The following TBC1D4 variants were observed in gnomAD, a reference collection of about 807,000 sequenced individuals.
TBC1D4 encodes TBC1 domain family member 4, also known as TBC (Tre-2, BUB2, CDC16) domain-containing protein.
A neutral mutation model predicts 142.5 loss-of-function variants in TBC1D4; 121 were observed. That is an observed-to-expected ratio of 0.85 (90% CI 0.73 to 0.99). The LOEUF (loss-of-function observed/expected upper bound fraction) is 0.99. Ranked by LOEUF, TBC1D4 falls within the 50% of genes least tolerant of loss-of-function variation. The pLI, the probability that TBC1D4 is intolerant of heterozygous loss-of-function variation, is 0.00. For missense variants in TBC1D4, 1,475 were observed against 1,606.6 expected (o/e 0.92, Z 1.40); for synonymous variants, 630 against 628.2 (o/e 1.00, Z -0.04).
At chr13:75,307,759 A>G (rs1265253489) in intron 14 of TBC1D4, among the ~76,000 whole-genome samples, 1 of 152,222 alleles carries the variant, frequency 6.6e-6, no homozygotes, top group African/African-American at 2.4e-5. Flanking sequence ...AACATAATCT[A>G]AAGATAAATC....
At chr13:75,460,432 AACAAGAGGGCAT>A (rs1887919231) in intron 1 of TBC1D4, among the ~76,000 whole-genome samples, 2 of 152,212 alleles carry the variant, frequency 1.3e-5, no homozygotes, top group South Asian at 4.1e-4. Flanking sequence ...AAACCAGGTG[AACAAGAGGGCAT>A]TCCCAACAAA....
chr13:75,401,809 G>C (rs531735780), intron 1 of TBC1D4, among the ~76,000 whole-genome samples: 3 of 152,158 alleles, frequency 2.0e-5, no homozygotes, highest in Non-Finnish European at 4.4e-5. Context: ...CATAGGAAAA[G>C]CTACACTGTA....
Position 75,327,765 on chromosome 13 carries a change from A to G in TBC1D4, c.1793T>C (p.Leu598Pro), listed in dbSNP as rs983334282. ...CTAGTTAGATACCTTCTCTGAAGCA[A>G]GACTGTTGGACCGTTCAAAACTGTC... ...SVDSFERSNS[L>P]ASEKDYSPGD... The change falls in exon 9 of 21, where the codon CTT (leucine) becomes CCT (proline). Residue 598 changes from leucine to proline, a missense_variant. Transcript: ENST00000377636. 7 of 1,614,042 alleles carry G rather than the reference A, an allele frequency of 4.3e-6. No homozygotes were observed. The highest frequency in any genetic ancestry group is 5.9e-6 in the Non-Finnish European group (7 of 1,179,908).
At chr13:75,480,365 T>C (rs368455655) in intron 1 of TBC1D4, among the ~76,000 whole-genome samples, 10 of 152,318 alleles carry the variant, frequency 6.6e-5, no homozygotes, top group African/African-American at 2.4e-4. Flanking sequence ...AAGCTTTTGA[T>C]ATGGCGGGGA....
chr13:75,424,425 A>C (rs1566480665), intron 1 of TBC1D4, among the ~76,000 whole-genome samples: 1 of 152,126 alleles, frequency 6.6e-6, no homozygotes, highest in Non-Finnish European at 1.5e-5. Flanking sequence ...ATATTGTTTA[A>C]ATGTTTCCAC....
chr13:75,328,818 G>A (rs1394306586), intron 8 of TBC1D4, among the ~76,000 whole-genome samples: 1 of 152,114 alleles, frequency 6.6e-6, no homozygotes, highest in Non-Finnish European at 1.5e-5. Flanking sequence ...TCGGGGGTAA[G>A]GGGTTGCATT....
At position 75,327,778 on chromosome 13, in the gene TBC1D4, G is replaced by A. The variant is rs201208079; in HGVS notation, c.1780C>T (p.Arg594Trp). Residue 594 changes from arginine to tryptophan, a missense_variant, in exon 9 of 21, where the codon CGG becomes TGG. Coordinates refer to ENST00000377636, the MANE Select transcript of TBC1D4 (RefSeq NM_014832.5). ...TTCTCTGAAGCAAGACTGTTGGACC[G>A]TTCAAAACTGTCCACACTTCCAAGC... ...GRLGSVDSFE[R>W]SNSLASEKDY... 3.5e-5 allele frequency: 57 copies of A among 1,613,814 alleles called. No individual in the cohort carries two copies. In the Admixed American group the frequency reaches 3.7e-4, roughly 10 times the overall value.
chr13:75,470,324 A>G (rs1888347664), intron 1 of TBC1D4, among the ~76,000 whole-genome samples: 1 of 152,194 alleles, frequency 6.6e-6, no homozygotes, highest in African/African-American at 2.4e-5. Flanking sequence ...TACAAAAATA[A>G]AGGCTATAGT....
chr13:75,398,084 G>A (rs1355570078), intron 1 of TBC1D4, among the ~76,000 whole-genome samples: 1 of 152,188 alleles, frequency 6.6e-6, no homozygotes, highest in African/African-American at 2.4e-5. Context: ...CCAGGTGTTT[G>A]AGCCACTCAG....
intron 8 of TBC1D4, among the ~76,000 whole-genome samples, chr13:75,336,402 A>G (rs1880203088): frequency 6.6e-6 from 1 of 151,566 alleles, no homozygotes; most frequent in African/African-American, 2.4e-5. Flanking sequence ...TCTCAAGGAA[A>G]AAAAAAAAAG....
At chr13:75,410,100 T>C (rs2138392789) in intron 1 of TBC1D4, among the ~76,000 whole-genome samples, 1 of 152,284 alleles carries the variant, frequency 6.6e-6, no homozygotes, top group African/African-American at 2.4e-5. Flanking sequence ...TGTTGTGAGG[T>C]TTAAATAAGC....
chr13:75,376,431 G>A (rs1883514876), intron 1 of TBC1D4, among the ~76,000 whole-genome samples: 1 of 148,464 alleles, frequency 6.7e-6, no homozygotes, highest in Non-Finnish European at 1.5e-5. Flanking sequence ...AGGCTGGAGT[G>A]CAATGGTGCG....
rs140692604 is a variant in TBC1D4 at position 75,466,783 on chromosome 13, A to C, written c.498+14487T>G. ...CAACTCGGGAGGCTGAGGCAGGAGA[A>C]TCGCTTAAGCCAGGGAGTCGGAGGT... On this transcript the variant is annotated intron_variant, in intron 1 of 20. Coordinates refer to ENST00000377636, the MANE Select transcript of TBC1D4 (RefSeq NM_014832.5). Among the ~76,000 whole-genome samples the C allele has an allele frequency of 9.2e-3, 1,398 of 152,144 alleles. 23 individuals are homozygous for C. The highest frequency in any genetic ancestry group is 0.031 in the African/African-American group (1,292 of 41,498).
At position 75,475,867 on chromosome 13, in the gene TBC1D4, A is replaced by G. The variant is rs542905935; in HGVS notation, c.498+5403T>C. 2.0e-5 allele frequency among the ~76,000 whole-genome samples: 3 copies of G among 151,780 alleles called. No homozygotes were observed. The East Asian group carries it at 5.8e-4, about 29-fold the overall frequency. ...GGAACAGAAGTGTTTCAGATTTTGA[A>G]TTTTTTTTTCAGATTTTGGAATATT... On this transcript the variant is annotated intron_variant, in intron 1 of 20. Coordinates refer to ENST00000377636, the MANE Select transcript of TBC1D4 (RefSeq NM_014832.5).
chr13:75,446,823 CA>C (rs1887304584), intron 1 of TBC1D4, among the ~76,000 whole-genome samples: 1 of 151,778 alleles, frequency 6.6e-6, no homozygotes, highest in South Asian at 2.1e-4. Flanking sequence ...AGGTTGATCT[CA>C]AATTAGTCCA....
At chr13:75,344,862 A>G (rs1425869237) in intron 5 of TBC1D4, among the ~76,000 whole-genome samples, 1 of 152,188 alleles carries the variant, frequency 6.6e-6, no homozygotes, top group African/African-American at 2.4e-5. Context: ...AAATACTACT[A>G]TCTGGTTTTT....
chr13:75,463,473 TTC>T (rs1203511424), intron 1 of TBC1D4, among the ~76,000 whole-genome samples: 1 of 152,184 alleles, frequency 6.6e-6, no homozygotes, highest in Non-Finnish European at 1.5e-5. Flanking sequence ...ACACTGGAGA[TTC>T]TGATTCTACA....
intron 8 of TBC1D4, among the ~76,000 whole-genome samples, chr13:75,328,738 T>C (rs1189266345): frequency 1.3e-5 from 2 of 152,188 alleles, no homozygotes; most frequent in East Asian, 1.9e-4. Context: ...TTTTTAACAA[T>C]GCATAACATT....
intron 1 of TBC1D4, among the ~76,000 whole-genome samples, chr13:75,410,365 GCTT>G (rs1015265651): frequency 1.3e-5 from 2 of 152,058 alleles, no homozygotes; most frequent in Non-Finnish European, 2.9e-5. Context: ...CCAGAACAGT[GCTT>G]CTTCTTCTAT....
Sources: allele counts gnomAD v4.1 joint callset (sites outside exome capture counted in the v4.1 genomes callset), GRCh38; gene constraint gnomAD v4.1.1; transcripts MANE v1.5; gene names NCBI Gene and HGNC (gene_info 2026-07-23, HGNC 2026-07-21).